Variants in MYBPC3 observed in about 807,000 individuals in gnomAD.
MYBPC3 encodes the protein myosin-binding protein C, cardiac-type.
Under a neutral mutation model 159.3 loss-of-function variants are expected in MYBPC3, and 108 were observed. That is an observed-to-expected ratio of 0.68 (90% confidence interval 0.58 to 0.80). The LOEUF (loss-of-function observed/expected upper bound fraction) is 0.80, where lower values mean the gene tolerates loss of function less well. Among genes scored for constraint, MYBPC3 ranks in the 30% least tolerant of loss-of-function variants. The pLI, the probability that MYBPC3 is intolerant of heterozygous loss-of-function variation, is 0.00. For synonymous variants in MYBPC3, 730 were observed against 702.0 expected (o/e 1.04, Z -0.63); for missense variants, 1,631 against 1,762.1 (o/e 0.93, Z 1.33).
In MYBPC3 at chr11:47,348,656, C is replaced by T. The variant is rs575115087; in HGVS notation, c.655-115G>A. On this transcript the variant is annotated intron_variant, in intron 5 of 34. Coordinates refer to ENST00000545968, the MANE Select transcript of MYBPC3 (RefSeq NM_000256.3). ...CGCGGTGGCTCAGGCCTGTAATCCC[C>T]ACTTTGGGAGGCTGAGGCGGGCGGA... 9.5e-5 allele frequency: 68 copies of T among 715,822 alleles called. No homozygotes were observed. In the African/African-American group the frequency reaches 1.1e-3, roughly 12 times the overall value. The allele number at this position is 715,822 out of a possible 1,614,324, so 44.3% of individuals were successfully genotyped here.
chr11:47,347,039 A>G lies in MYBPC3; in HGVS notation c.906-10T>C. The G allele has an allele frequency of 1.2e-6, 1 of 807,114 alleles. No individual in the cohort carries two copies. Among genetic ancestry groups the G allele is most frequent in the Admixed American group, 1.7e-5 (1 of 58,604 alleles). The allele number at this position is 807,114 out of a possible 1,614,324, so 50.0% of individuals were successfully genotyped here. ...CCCCGATTCTTACTCTCTGGGCCACAGCAGCAGCAGCCATAATGGAGGGGC... is the reference window on the plus strand; with the variant it reads ...CCCCGATTCTTACTCTCTGGGCCACGGCAGCAGCAGCCATAATGGAGGGGC... On this transcript the variant is annotated splice_polypyrimidine_tract_variant and intron_variant, in intron 9 of 34. Transcript: ENST00000545968.
Position 47,341,222 on chromosome 11 carries a change from C to T in MYBPC3, c.1813G>A (p.Asp605Asn), listed in dbSNP as rs376736293. 1.0e-4 allele frequency: 164 copies of T among 1,593,218 alleles called. No individual in the cohort carries two copies. The highest frequency in any genetic ancestry group is 2.3e-4 in the African/African-American group (17 of 74,476). The change falls in exon 19 of 35, where the codon GAC (aspartate) becomes AAC (asparagine). Residue 605 changes from aspartate to asparagine, a missense_variant. Physicochemically the swap from Asp to Asn is conservative, Grantham distance 23. Transcript: ENST00000545968. ...TCAGCCTCGTCGGCAGGTGTGACGT[C>T]GTCAATGGTCAGTTTGTGGACCCTG... Reference protein sequence around the residue: ...IGRVHKLTIDDVTPADEADYS... With the variant: ...IGRVHKLTIDNVTPADEADYS...
At position 47,352,661 on chromosome 11, in the gene MYBPC3, A is replaced by G. The variant is rs1275573040; in HGVS notation, c.-14T>C. 1 of 1,588,160 alleles carries G rather than the reference A, an allele frequency of 6.3e-7. No homozygotes were observed. The highest frequency in any genetic ancestry group is 1.1e-5 in the South Asian group (1 of 88,008). ...CGGCTCAGGCATCCTGAGAGACGTC[A>G]CACCAGGCACGAAGCAGGCACAGGT... On this transcript the variant is annotated 5_prime_UTR_variant, in exon 1 of 35. Coordinates refer to ENST00000545968, the MANE Select transcript of MYBPC3 (RefSeq NM_000256.3).
chr11:47,339,188 AGGGACCCTGCTGGG>A, intron 22 of MYBPC3, 122 bp downstream of exon 22: 1 of 916,390 alleles, frequency 1.1e-6, no homozygotes, highest in African/African-American at 1.6e-5. Context: ...AGGGCCCCAC[AGGGACCCTGCTGGG>A]GGCAGCAACA....
In MYBPC3 at chr11:47,348,451, A is replaced by G. The variant is rs397516071; in HGVS notation, c.745T>C (p.Cys249Arg). 4.3e-6 allele frequency: 7 copies of G among 1,612,956 alleles called. No individual in the cohort carries two copies. In the African/African-American group the frequency reaches 8.0e-5, roughly 18 times the overall value. ...TGGACAGTGAGATTGAAGTTGGAGC[A>G]GTCAAATTTGTCCTTGGTGGACACC... ...CEVSTKDKFD[C>R]SNFNLTVHEA... The change falls in exon 6 of 35, where the codon TGC becomes CGC. Residue 249 changes from cysteine to arginine, a missense_variant. Coordinates refer to ENST00000545968, the MANE Select transcript of MYBPC3 (RefSeq NM_000256.3).
chr11:47,347,616 G>A, intron 8 of MYBPC3, 35 bp downstream of exon 8: 1 of 1,567,428 alleles, frequency 6.4e-7, no homozygotes, highest in Non-Finnish European at 8.7e-7. Context: ...CTGGGGGTCT[G>A]CGGATGGTGC....
intron 12 of MYBPC3, among the ~76,000 whole-genome samples, 196 bp from the exon 13 acceptor site, chr11:47,343,820 G>C (rs2095891743): frequency 6.6e-6 from 1 of 152,110 alleles, no homozygotes; most frequent in Admixed American, 6.5e-5. Context: ...ACAGAGTCTT[G>C]CTCTGTTGGC....
intron 26 of MYBPC3, among the ~76,000 whole-genome samples, 192 bp from the exon 27 acceptor site, chr11:47,335,401 C>T (rs2095881295): frequency 6.6e-6 from 1 of 152,236 alleles, no homozygotes; most frequent in Non-Finnish European, 1.5e-5. Context: ...GATCTTGGCT[C>T]ACCGCAACTT....
Position 47,346,355 on chromosome 11 carries a change from C to T in MYBPC3, c.942G>A (p.Glu314=), listed in dbSNP as rs1286007018. The T allele has an allele frequency of 6.3e-7, 1 of 1,595,636 alleles. No individual in the cohort carries two copies. ...CCCACACGTCCTCCTCTGCTGGTGCCTCCAGCTTCGAGTCCCTGTGTCCCG... is the reference window on the plus strand; with the variant it reads ...CCCACACGTCCTCCTCTGCTGGTGCTTCCAGCTTCGAGTCCCTGTGTCCCG... ...SFRTPRDSKL[E]APAEEDVWEI... is the part of the protein sequence containing the mutation. Residue 314 remains glutamate (E), a synonymous_variant, in exon 12 of 35, where the codon GAG becomes GAA. Transcript: ENST00000545968. The surrounding 1 kb of genome is among the most constrained non-coding windows in gnomAD (Gnocchi z 5.3).
At chr11:47,341,875 G>C in intron 18 of MYBPC3, 116 bp downstream of exon 18, 1 of 1,365,718 alleles carries the variant, frequency 7.3e-7, no homozygotes, top group Middle Eastern at 2.0e-4. Flanking sequence ...TCCTGTCTCT[G>C]TGCATCTGCC....
chr11:47,351,584 T>C lies in MYBPC3; in HGVS notation c.26-79A>G. 2 of 1,432,052 alleles carry C rather than the reference T, an allele frequency of 1.4e-6. No homozygotes were observed. Among genetic ancestry groups the C allele is most frequent in the Non-Finnish European group, 9.3e-7 (1 of 1,077,450 alleles). The allele number at this position is 1,432,052 out of a possible 1,614,324, so 88.7% of individuals were successfully genotyped here. A position where few individuals can be genotyped will look rare whatever the true frequency, so the allele number is the denominator to read the frequency against. On this transcript the variant is annotated intron_variant, in intron 1 of 34. Coordinates refer to ENST00000545968, the MANE Select transcript of MYBPC3 (RefSeq NM_000256.3). This position sits in a 1 kb window ranked among gnomAD's most constrained non-coding sequence, Gnocchi z 4.2. ...CCCTGCAGCCCCTCTCAGTAAATAC[T>C]GTGCTAGCACTTTCTATGCATCCCC...
chr11:47,348,601 CACCCTTAAAG>C (rs1273723746), intron 5 of MYBPC3, 60 bp from the exon 6 acceptor site: 5 of 1,396,220 alleles, frequency 3.6e-6, no homozygotes, highest in Non-Finnish European at 4.0e-6. Context: ...CAAGGCTCCG[CACCCTTAAAG>C]GAGACTGGGA....
At position 47,343,126 on chromosome 11, in the gene MYBPC3, C is replaced by T. The variant is rs371513491; in HGVS notation, c.1246G>A (p.Gly416Ser). Residue 416 changes from glycine (G) to serine (S), a missense_variant, in exon 15 of 35, where the codon GGT (glycine) becomes AGT (serine). Gly to Ser is a moderately conservative substitution (Grantham distance 56, BLOSUM62 0). Coordinates refer to ENST00000545968, the MANE Select transcript of MYBPC3 (RefSeq NM_000256.3). Reference protein sequence around the residue: ...SGSKYIFESIGAKRTLTISQC... With the variant: ...SGSKYIFESISAKRTLTISQC... ...CTGATGGTCAGGGTACGCTTGGCACCGATGGACTCAAAGATGTACCTGGGT... is the reference window on the plus strand; with the variant it reads ...CTGATGGTCAGGGTACGCTTGGCACTGATGGACTCAAAGATGTACCTGGGT... 104 of 1,611,444 alleles carry T rather than the reference C, an allele frequency of 6.5e-5. No individual in the cohort carries two copies. In the African/African-American group the frequency reaches 9.9e-4, roughly 15 times the overall value.
At chr11:47,333,095 G>T in intron 30 of MYBPC3, 99 bp downstream of exon 30, 1 of 1,522,780 alleles carries the variant, frequency 6.6e-7, no homozygotes, top group Non-Finnish European at 8.8e-7. Context: ...AGCAGAGGGA[G>T]GGTGAGGGGT....
rs777978931 is a variant in MYBPC3 at position 47,339,677 on chromosome 11, C to T, written c.2041G>A (p.Val681Met). The change falls in exon 21 of 35, where the codon GTG (valine) becomes ATG (methionine). Residue 681 changes from valine to methionine, a missense_variant. Physicochemically the swap from Val to Met is conservative, Grantham distance 21. Transcript: ENST00000545968. The part of the protein sequence containing the change: ...VPISGDPAPT[V>M]IWQKAITQGN... Reference sequence around the variant, plus strand: ...TGCGTGATAGCCTTCTGCCAGATCACAGTGGGAGCAGGGTCCCCAGAGATA... The same window carrying T: ...TGCGTGATAGCCTTCTGCCAGATCATAGTGGGAGCAGGGTCCCCAGAGATA... 6.2e-7 allele frequency: 1 copy of T among 1,610,498 alleles called. No individual in the cohort carries two copies. Among genetic ancestry groups the T allele is most frequent in the Non-Finnish European group, 8.5e-7 (1 of 1,177,948 alleles).
Position 47,342,637 on chromosome 11 carries a change from G to A in MYBPC3, c.1565C>T (p.Ala522Val), listed in dbSNP as rs370362589. 39 of 1,613,942 alleles carry A rather than the reference G, an allele frequency of 2.4e-5. No homozygotes were observed. The highest frequency in any genetic ancestry group is 2.4e-4 in the African/African-American group (18 of 75,042). ...GCTAGTGCACAGTGCATAGTGCCCC[G>A]CGTCCTCCAGCATGGCCTCGTTGAT... ...LIINEAMLEDAGHYALCTSGG... is the reference protein window; with the variant it reads ...LIINEAMLEDVGHYALCTSGG... The change falls in exon 17 of 35, where the codon GCG becomes GTG. Residue 522 changes from alanine (A) to valine (V), a missense_variant. Coordinates refer to ENST00000545968, the MANE Select transcript of MYBPC3 (RefSeq NM_000256.3).
chr11:47,348,639 C>T (rs2095897028), intron 5 of MYBPC3, 98 bp from the exon 6 acceptor site: 2 of 913,482 alleles, frequency 2.2e-6, no homozygotes. Context: ...GGCGCGGTGG[C>T]TCAGGCCTGT....
intron 5 of MYBPC3, among the ~76,000 whole-genome samples, chr11:47,349,393 TACTC>T (rs1428099784): frequency 6.6e-6 from 1 of 152,130 alleles, no homozygotes; most frequent in East Asian, 1.9e-4. Context: ...TTAGCCCTGA[TACTC>T]ACCCATCCAG....
chr11:47,346,146 T>A lies in MYBPC3; in HGVS notation c.1090+61A>T. The stretch of plus-strand genomic sequence containing the variant: ...GGAAGGGCTAACCTATGCCCTCTCC[T>A]CTCCTGTGTAGGGAAGGGCTAGCCT... On this transcript the variant is annotated intron_variant, in intron 12 of 34. Transcript: ENST00000545968. This position sits in a 1 kb window ranked among gnomAD's most constrained non-coding sequence, Gnocchi z 5.3. 5.0e-6 allele frequency: 8 copies of A among 1,602,068 alleles called. No individual in the cohort carries two copies. The highest frequency in any genetic ancestry group is 6.8e-6 in the Non-Finnish European group (8 of 1,173,498).
Sources: gnomAD v4.1 joint callset for allele counts (sites outside exome capture counted in the v4.1 genomes callset) on GRCh38, gnomAD v4.1.1 for gene constraint, Gnocchi (gnomAD v3.1) non-coding constraint, MANE v1.5 for transcripts, NCBI Gene and HGNC (gene_info 2026-07-23, HGNC 2026-07-21) for gene names.